The following DOCK1 variants were observed in gnomAD, a reference collection of about 807,000 sequenced individuals.
DOCK1 encodes the protein dedicator of cytokinesis protein 1.
DOCK1 carries 138 observed loss-of-function variants against 262.7 expected under a neutral mutation model. The ratio of observed to expected loss-of-function variants is 0.53; its 90% CI spans 0.46 to 0.61. The LOEUF (loss-of-function observed/expected upper bound fraction) is 0.61. Among genes scored for constraint, DOCK1 ranks in the 20% least tolerant of loss-of-function variants. The pLI is 0.00. For synonymous variants in DOCK1, 866 were observed against 867.4 expected (o/e 1.00, Z 0.03); for missense variants, 1,908 against 2,370.7 (o/e 0.80, Z 4.05).
chr10:126,979,050 T>C (rs1230375827), intron 3 of DOCK1, among the ~76,000 whole-genome samples: 3 of 152,142 alleles, frequency 2.0e-5, no homozygotes, highest in Non-Finnish European at 2.9e-5. Flanking sequence ...GATCTGCAAA[T>C]TGGGACCAGG....
In DOCK1 at chr10:127,409,347, T is replaced by C. The variant is rs760967094; in HGVS notation, c.4299T>C (p.Asp1433=). Residue 1433 remains aspartate, a synonymous_variant, in exon 42 of 52, where the codon GAT becomes GAC. Coordinates refer to ENST00000623213, the MANE Select transcript of DOCK1 (RefSeq NM_001290223.2). The stretch of plus-strand genomic sequence containing the variant: ...GCTTCACAGTGAAGCCCAAACTCGA[T>C]CTGCCTCCTAAGTTTCACAGGCCAG... The part of the protein sequence containing the change: ...IQCFTVKPKL[D]LPPKFHRPVS... 5.0e-6 allele frequency: 8 copies of C among 1,613,892 alleles called. No individual in the cohort carries two copies. In the South Asian group the frequency reaches 8.8e-5, roughly 18 times the overall value.
At chr10:127,057,333 A>C (rs17698492) in intron 22 of DOCK1, among the ~76,000 whole-genome samples, 1 of 152,122 alleles carries the variant, frequency 6.6e-6, no homozygotes, top group Non-Finnish European at 1.5e-5. Context: ...TTGGCTTTCA[A>C]AATGGTCTAT....
intron 38 of DOCK1, among the ~76,000 whole-genome samples, chr10:127,394,806 A>G (rs2066721504): frequency 6.6e-6 from 1 of 152,124 alleles, no homozygotes; most frequent in African/African-American, 2.4e-5. Context: ...TGCGCCGTGA[A>G]ATACCGAGAT....
intron 27 of DOCK1, among the ~76,000 whole-genome samples, chr10:127,128,274 C>CCG (rs2050091749): frequency 1.3e-5 from 2 of 151,376 alleles, no homozygotes; most frequent in African/African-American, 4.8e-5. Context: ...CTGCTGTCCT[C>CCG]TGCACCCCCT....
At chr10:127,092,986 T>C (rs1227773144) in intron 23 of DOCK1, among the ~76,000 whole-genome samples, 1 of 152,098 alleles carries the variant, frequency 6.6e-6, no homozygotes, top group Non-Finnish European at 1.5e-5. Context: ...CTCATTGTTC[T>C]GGAGGCCAGA....
chr10:126,922,838 C>T (rs893921187), intron 1 of DOCK1, among the ~76,000 whole-genome samples: 3 of 152,128 alleles, frequency 2.0e-5, no homozygotes, highest in Non-Finnish European at 2.9e-5. Context: ...GGACCGGGTA[C>T]GGTGGCTCAC....
At chr10:127,302,111 G>T (rs545059810) in intron 29 of DOCK1, among the ~76,000 whole-genome samples, 1 of 149,706 alleles carries the variant, frequency 6.7e-6, no homozygotes, top group South Asian at 2.1e-4. Flanking sequence ...AGCTTTGAAT[G>T]CTGTGGCCCG....
intron 29 of DOCK1, among the ~76,000 whole-genome samples, chr10:127,334,092 A>C (rs1252608870): frequency 6.6e-6 from 1 of 152,116 alleles, no homozygotes; most frequent in Non-Finnish European, 1.5e-5. Flanking sequence ...TATGGTATGC[A>C]GTCGATGTTG....
chr10:127,202,283 ATGGCATTCCAGCC>A (rs1352074850), intron 27 of DOCK1, among the ~76,000 whole-genome samples: 5 of 151,856 alleles, frequency 3.3e-5, no homozygotes, highest in Non-Finnish European at 7.4e-5. Context: ...AGATCGCGCC[ATGGCATTCCAGCC>A]TGGGTGACAG....
rs1564869933 is a variant in DOCK1 at position 127,175,510 on chromosome 10, C to CT, written c.2847+47746_2847+47747insT. On this transcript the variant is annotated intron_variant, in intron 27 of 51. Coordinates refer to ENST00000623213, the MANE Select transcript of DOCK1 (RefSeq NM_001290223.2). The surrounding 1 kb of genome is among the most constrained non-coding windows in gnomAD (Gnocchi z 6.3). ...GCAGTTTCCGAGGGCGCCTGGAGCC[C>CT]GTTGAGATGTGTGGCTCTCCTCCGC... 4.4e-6 allele frequency: 7 copies of CT among 1,609,058 alleles called. No individual in the cohort carries two copies. Among genetic ancestry groups the CT allele is most frequent in the Non-Finnish European group, 5.9e-6 (7 of 1,180,008 alleles).
chr10:127,289,523 G>A (rs1432021767), intron 29 of DOCK1, among the ~76,000 whole-genome samples: 1 of 152,088 alleles, frequency 6.6e-6, no homozygotes, highest in Non-Finnish European at 1.5e-5. Flanking sequence ...GACAATTTTG[G>A]TAAATAATAC....
At chr10:127,183,825 T>C (rs1240120132) in intron 27 of DOCK1, among the ~76,000 whole-genome samples, 1 of 152,240 alleles carries the variant, frequency 6.6e-6, no homozygotes, top group African/African-American at 2.4e-5. Flanking sequence ...CTTAAAAATC[T>C]ACCTCTTATC....
intron 23 of DOCK1, among the ~76,000 whole-genome samples, chr10:127,078,562 A>G (rs924766920): frequency 2.6e-5 from 4 of 152,176 alleles, no homozygotes; most frequent in African/African-American, 4.8e-5. Flanking sequence ...TGTAGAAGAT[A>G]CTGATCTTTG....
intron 27 of DOCK1, among the ~76,000 whole-genome samples, chr10:127,180,711 T>A (rs1451870052): frequency 1.3e-5 from 2 of 151,998 alleles, no homozygotes; most frequent in African/African-American, 4.8e-5. Flanking sequence ...ACTTAATGGC[T>A]AACAATAGGT....
intron 29 of DOCK1, among the ~76,000 whole-genome samples, chr10:127,262,746 T>A (rs1341424750): frequency 6.6e-6 from 1 of 152,210 alleles, no homozygotes; most frequent in African/African-American, 2.4e-5. Flanking sequence ...CATTGCACGT[T>A]TGCGTTCTGG....
At chr10:127,450,522 A>G (rs545335301) in intron 51 of DOCK1, among the ~76,000 whole-genome samples, 4 of 152,124 alleles carry the variant, frequency 2.6e-5, no homozygotes, top group African/African-American at 9.6e-5. Flanking sequence ...TCATTCATTT[A>G]TTCACTCATT....
intron 21 of DOCK1, among the ~76,000 whole-genome samples, chr10:127,045,599 T>C (rs531098378): frequency 6.6e-6 from 1 of 152,302 alleles, no homozygotes; most frequent in Non-Finnish European, 1.5e-5. Flanking sequence ...TAGCCCTTCT[T>C]CCCAACAACA....
chr10:127,063,825 A>G (rs539915195), intron 23 of DOCK1, among the ~76,000 whole-genome samples: 28 of 152,292 alleles, frequency 1.8e-4, no homozygotes, highest in African/African-American at 6.7e-4. Flanking sequence ...AGGGACCGGG[A>G]AGACCATGCT....
At chr10:127,243,247 A>C (rs1230795960) in intron 27 of DOCK1, among the ~76,000 whole-genome samples, 1 of 152,174 alleles carries the variant, frequency 6.6e-6, no homozygotes, top group Admixed American at 6.5e-5. Flanking sequence ...TAGACCTTCC[A>C]CTAGGCATAG....
Sources: gnomAD v4.1 joint callset for allele counts (sites outside exome capture counted in the v4.1 genomes callset) on GRCh38, gnomAD v4.1.1 for gene constraint, Gnocchi (gnomAD v3.1) non-coding constraint, MANE v1.5 for transcripts, NCBI Gene and HGNC (gene_info 2026-07-23, HGNC 2026-07-21) for gene names.